The following PAK1 variants were observed in gnomAD, a reference collection of about 807,000 sequenced individuals.
PAK1 encodes p21 (RAC1) activated kinase 1.
PAK1 carries 29 observed loss-of-function variants against 67.4 expected under a neutral mutation model. The observed-to-expected ratio is 0.43, with a 90% CI of 0.32 to 0.59. PAK1 has a LOEUF of 0.59. Among genes scored for constraint, PAK1 ranks in the 20% least tolerant of loss-of-function variants. The pLI, the probability that PAK1 is intolerant of heterozygous loss-of-function variation, is 0.07. For synonymous variants in PAK1, 223 were observed against 237.4 expected (o/e 0.94, Z 0.56); for missense variants, 337 against 670.7 (o/e 0.50, Z 5.50).
At chr11:77,376,606 A>G (rs497172) in intron 4 of PAK1, among the ~76,000 whole-genome samples, 106,584 of 151,682 alleles carry the variant, frequency 0.7, 38,283 homozygotes, top group African/African-American at 0.85. Flanking sequence ...GCATAGTGGC[A>G]TGCACCTGTA....
the PAK1 span, among the ~76,000 whole-genome samples, chr11:77,523,330 G>A: frequency 6.6e-6 from 1 of 151,932 alleles, no homozygotes; most frequent in Admixed American, 6.6e-5. Flanking sequence ...GGAGAGGGAA[G>A]GATATAAATA....
At chr11:77,327,649 A>C (rs1343821184) in intron 14 of PAK1, among the ~76,000 whole-genome samples, 3 of 152,224 alleles carry the variant, frequency 2.0e-5, no homozygotes, top group African/African-American at 7.2e-5. Flanking sequence ...AAACATGGAA[A>C]GGAACAACCA....
At chr11:77,347,224 C>G (rs1944564270) in intron 9 of PAK1, among the ~76,000 whole-genome samples, 1 of 152,178 alleles carries the variant, frequency 6.6e-6, no homozygotes, top group Admixed American at 6.5e-5. Flanking sequence ...ACACAGCCAG[C>G]CTCCAGGGCT....
At chr11:77,491,999 C>T in the PAK1 span, among the ~76,000 whole-genome samples, 1 of 152,178 alleles carries the variant, frequency 6.6e-6, no homozygotes, top group African/African-American at 2.4e-5. Flanking sequence ...GTAAAAAGCA[C>T]ATGGAAATTA....
chr11:77,419,717 C>T (rs1327066984), intron 1 of PAK1, among the ~76,000 whole-genome samples: 1 of 152,154 alleles, frequency 6.6e-6, no homozygotes, highest in Non-Finnish European at 1.5e-5. Context: ...TCTCCTGACA[C>T]AACCAGTTAA....
intron 7 of PAK1, 139 bp downstream of exon 7, chr11:77,355,529 C>T: frequency 1.5e-6 from 1 of 675,876 alleles, no homozygotes; most frequent in Non-Finnish European, 2.6e-6. Context: ...GGTTCAGGGG[C>T]AGGGTGAGGA....
At chr11:77,506,931 G>A in the PAK1 span, among the ~76,000 whole-genome samples, 12 of 152,140 alleles carry the variant, frequency 7.9e-5, no homozygotes, top group East Asian at 3.9e-4. Flanking sequence ...TCCAAGGAGC[G>A]TGATTTAAGC....
intron 8 of PAK1, among the ~76,000 whole-genome samples, chr11:77,351,998 A>G (rs901855566): frequency 6.6e-6 from 1 of 152,244 alleles, no homozygotes; most frequent in East Asian, 1.9e-4. Context: ...AGATTCCCTC[A>G]TGACTATTCC....
intron 1 of PAK1, among the ~76,000 whole-genome samples, chr11:77,400,480 G>C (rs1391977112): frequency 1.3e-5 from 2 of 152,154 alleles, no homozygotes; most frequent in African/African-American, 2.4e-5. Context: ...TTGCCTGGAG[G>C]AGGAGACCAT....
intron 5 of PAK1, among the ~76,000 whole-genome samples, chr11:77,373,812 T>G (rs1327251086): frequency 6.6e-6 from 1 of 152,212 alleles, no homozygotes; most frequent in East Asian, 1.9e-4. Context: ...TGACTTTAAA[T>G]GAATAAAATC....
intron 1 of PAK1, among the ~76,000 whole-genome samples, chr11:77,439,352 A>G (rs1237928978): frequency 6.6e-6 from 1 of 152,142 alleles, no homozygotes; most frequent in African/African-American, 2.4e-5. Flanking sequence ...AAAAGCCAAA[A>G]TTATATATAT....
intron 1 of PAK1, among the ~76,000 whole-genome samples, 179 bp from the exon 2 acceptor site, chr11:77,392,720 C>T (rs916069620): frequency 1.3e-5 from 2 of 152,170 alleles, no homozygotes; most frequent in South Asian, 2.1e-4. Flanking sequence ...CTACTATATG[C>T]CAAGCACTAA....
rs150196977 is a variant in PAK1 at position 77,471,289 on chromosome 11, G to A, written c.-22+2263C>T. ...GGCAGGGTGCTGGTTTTTATTAAGA[G>A]CAGATCTTTTAACCCAGTGGTTCTC... On this transcript the variant is annotated intron_variant, in intron 1 of 14. Coordinates refer to ENST00000356341, the MANE Select transcript of PAK1 (RefSeq NM_002576.5). Among the ~76,000 whole-genome samples the A allele has an allele frequency of 2.6e-4, 40 of 152,292 alleles. 1 individual carries two copies. In the East Asian group the frequency reaches 7.7e-3, roughly 29 times the overall value.
At chr11:77,425,271 C>CTTT (rs142207968) in intron 1 of PAK1, among the ~76,000 whole-genome samples, 1 of 141,420 alleles carries the variant, frequency 7.1e-6, no homozygotes, top group African/African-American at 2.6e-5. Context: ...CAGGCTTTTG[C>CTTT]TTTTTTTTTT....
chr11:77,496,183 TA>T, the PAK1 span, among the ~76,000 whole-genome samples: 1 of 151,992 alleles, frequency 6.6e-6, no homozygotes, highest in East Asian at 1.9e-4. Flanking sequence ...CATGCCTGGC[TA>T]ATTTTTGTAT....
intron 1 of PAK1, among the ~76,000 whole-genome samples, chr11:77,426,343 C>T (rs1360231541): frequency 4.6e-5 from 7 of 152,068 alleles, no homozygotes; most frequent in Non-Finnish European, 7.4e-5. Flanking sequence ...AGGGACAATG[C>T]TTAGGTTGAT....
chr11:77,519,440 T>C, the PAK1 span, among the ~76,000 whole-genome samples: 1 of 152,144 alleles, frequency 6.6e-6, no homozygotes, highest in Non-Finnish European at 1.5e-5. Context: ...TAGATTTGGG[T>C]TCCTTTTCTT....
At chr11:77,442,954 G>C (rs984465592) in intron 1 of PAK1, among the ~76,000 whole-genome samples, 1 of 152,132 alleles carries the variant, frequency 6.6e-6, no homozygotes, top group Admixed American at 6.5e-5. Context: ...TGAAGATACA[G>C]AGATATCACC....
chr11:77,346,256 G>A (rs1944403018), intron 9 of PAK1, among the ~76,000 whole-genome samples: 1 of 152,212 alleles, frequency 6.6e-6, no homozygotes, highest in Non-Finnish European at 1.5e-5. Context: ...ACAGGCATGA[G>A]CAACCGCGCC....
Sources: gnomAD v4.1 joint callset for allele counts (sites outside exome capture counted in the v4.1 genomes callset) on GRCh38, gnomAD v4.1.1 for gene constraint, MANE v1.5 for transcripts, NCBI Gene and HGNC (gene_info 2026-07-23, HGNC 2026-07-21) for gene names.